HSD17B14: variants seen among roughly 807,000 people sequenced by gnomAD.
HSD17B14 encodes the protein L-fucose dehydrogenase.
Under a neutral mutation model 32.2 loss-of-function variants are expected in HSD17B14, and 32 were observed. That is an observed-to-expected ratio of 0.99 (90% CI 0.75 to 1.33). The LOEUF is 1.33. HSD17B14 is among the 40% of genes most tolerant of loss of function. The pLI, the probability that HSD17B14 is intolerant of heterozygous loss-of-function variation, is 0.00. For synonymous variants in HSD17B14, 140 were observed against 155.4 expected (o/e 0.90, Z 0.74); for missense variants, 370 against 366.5 (o/e 1.01, Z -0.08).
At chr19:48,820,292 G>A (rs576300894) in intron 5 of HSD17B14, among the ~76,000 whole-genome samples, 1 of 152,038 alleles carries the variant, frequency 6.6e-6, no homozygotes, top group East Asian at 2.0e-4. Context: ...TGACCAATAT[G>A]GTGAAACCCT....
intron 5 of HSD17B14, among the ~76,000 whole-genome samples, chr19:48,826,528 A>AAAAAAAAAAAAAAAAAAAATATAT (rs777368104): frequency 4.3e-5 from 1 of 23,078 alleles, no homozygotes; most frequent in African/African-American, 1.2e-4. Context: ...AAAAGAAGAA[A>AAAAAAAAAAAAAAAAAAAATATAT]ATATATATAT....
In HSD17B14 at chr19:48,813,020, C is replaced by A; in HGVS notation, c.*155G>T. On this transcript the variant is annotated 3_prime_UTR_variant, in exon 9 of 9. Coordinates refer to ENST00000263278, the MANE Select transcript of HSD17B14 (RefSeq NM_016246.3). Reference sequence around the variant, plus strand: ...TAAATATAACGATATCCTCCTCCTTCTGGCTGCAAATCGTTTTTATGGGAA... The same window carrying A: ...TAAATATAACGATATCCTCCTCCTTATGGCTGCAAATCGTTTTTATGGGAA... 1.8e-6 allele frequency: 1 copy of A among 547,364 alleles called. No homozygotes were observed. The highest frequency in any genetic ancestry group is 3.3e-6 in the Non-Finnish European group (1 of 302,694). The allele number at this position is 547,364 out of a possible 1,614,324, so 33.9% of individuals were successfully genotyped here. A position where few individuals can be genotyped will look rare whatever the true frequency, so the allele number is the denominator to read the frequency against.
At chr19:48,825,366 CAG>C (rs1373383835) in intron 5 of HSD17B14, among the ~76,000 whole-genome samples, 1 of 151,740 alleles carries the variant, frequency 6.6e-6, no homozygotes, top group East Asian at 1.9e-4. Context: ...GGCTGGAATG[CAG>C]CGGCACAATC....
chr19:48,831,425 C>A (rs997948639), intron 5 of HSD17B14, among the ~76,000 whole-genome samples: 2 of 152,056 alleles, frequency 1.3e-5, no homozygotes, highest in African/African-American at 4.8e-5. Context: ...TTGTGGCCCG[C>A]ACCTGTAATC....
chr19:48,817,887 G>A (rs773002757), intron 5 of HSD17B14, among the ~76,000 whole-genome samples: 8 of 152,196 alleles, frequency 5.3e-5, no homozygotes, highest in Non-Finnish European at 1.2e-4. Flanking sequence ...CACAAGCGAG[G>A]AGACTAAGGA....
chr19:48,836,424 G>T lies in HSD17B14; in HGVS notation c.-13C>A. The T allele has an allele frequency of 4.3e-6, 7 of 1,611,082 alleles. No individual in the cohort carries two copies. The highest frequency in any genetic ancestry group is 5.9e-6 in the Non-Finnish European group (7 of 1,179,576). ...TTCCCGTAGCCATCCCGTGTACGTC[G>T]GTCTCTCTCTCTCTCTACTCTGGGC... On this transcript the variant is annotated 5_prime_UTR_variant, in exon 1 of 9. Transcript: ENST00000263278.
intron 5 of HSD17B14, among the ~76,000 whole-genome samples, chr19:48,820,383 C>G (rs694232): frequency 6.6e-6 from 1 of 151,422 alleles, no homozygotes; most frequent in South Asian, 2.1e-4. Context: ...GACATGAGAA[C>G]TGCTTGAACC....
At chr19:48,831,299 T>C (rs906142117) in intron 5 of HSD17B14, among the ~76,000 whole-genome samples, 12 of 152,064 alleles carry the variant, frequency 7.9e-5, no homozygotes, top group African/African-American at 2.4e-4. Flanking sequence ...TAACAGAAAA[T>C]AGATGGCCAG....
chr19:48,831,591 C>G, intron 5 of HSD17B14, 77 bp downstream of exon 5: 1 of 980,310 alleles, frequency 1.0e-6, no homozygotes, highest in Non-Finnish European at 1.7e-6. Flanking sequence ...AAACATTTTG[C>G]TCTTAGACAA....
At chr19:48,826,776 G>A (rs1360941283) in intron 5 of HSD17B14, among the ~76,000 whole-genome samples, 1 of 151,516 alleles carries the variant, frequency 6.6e-6, no homozygotes, top group African/African-American at 2.4e-5. Context: ...GAAGCTCCCT[G>A]GACACTGGGC....
chr19:48,830,993 C>T (rs1006470797), intron 5 of HSD17B14, among the ~76,000 whole-genome samples: 1 of 151,946 alleles, frequency 6.6e-6, no homozygotes, highest in Non-Finnish European at 1.5e-5. Context: ...GGCACCACTA[C>T]GCCTAATTTT....
chr19:48,816,652 A>T (rs1211909277), intron 5 of HSD17B14, among the ~76,000 whole-genome samples: 1 of 152,050 alleles, frequency 6.6e-6, no homozygotes, highest in Non-Finnish European at 1.5e-5. Context: ...CCCTGGCTAT[A>T]CTGTTTAAAG....
rs1397706036 is a variant in HSD17B14, at chr19:48,835,369, G to A, written c.127+436C>T. Among the ~76,000 whole-genome samples, 55 of 121,990 alleles carry A rather than the reference G, an allele frequency of 4.5e-4. 1 individual carries two copies. Among genetic ancestry groups the A allele is most frequent in the African/African-American group, 1.8e-3 (55 of 30,444 alleles). The allele number at this position is 121,990 out of a possible 152,430, so 80.0% of individuals were successfully genotyped here. ...GGACTCCTGGGTCTGAGGGAGGAGG[G>A]GCTGAGGTCTGGACTCCTGGGTCTG... is the stretch of plus-strand genomic sequence containing the variant. On this transcript the variant is annotated intron_variant, in intron 2 of 8. Transcript: ENST00000263278.
At chr19:48,815,284 G>A (rs1277476727) in intron 5 of HSD17B14, 143 bp from the exon 6 acceptor site, 5 of 662,148 alleles carry the variant, frequency 7.6e-6, no homozygotes, top group East Asian at 5.6e-5. Context: ...TGCTAGAGAC[G>A]GCATCTAACA....
chr19:48,836,253 C>T (rs935327604), intron 1 of HSD17B14, 71 bp downstream of exon 1: 24 of 1,449,348 alleles, frequency 1.7e-5, no homozygotes, highest in Non-Finnish European at 2.0e-5. Context: ...CCCTATTTTC[C>T]GCCCCCATCA....
intron 1 of HSD17B14, 84 bp downstream of exon 1, chr19:48,836,240 A>G: frequency 1.5e-6 from 2 of 1,298,038 alleles, no homozygotes; most frequent in Non-Finnish European, 2.2e-6. Flanking sequence ...GCAGTACTGG[A>G]GTCCCTATTT....
chr19:48,836,428 T>G lies in HSD17B14; in HGVS notation c.-17A>C. On this transcript the variant is annotated 5_prime_UTR_variant, in exon 1 of 9. Transcript: ENST00000263278. ...CGTAGCCATCCCGTGTACGTCGGTC[T>G]CTCTCTCTCTCTACTCTGGGCCTCT... 1 of 1,591,326 alleles carries G rather than the reference T, an allele frequency of 6.3e-7. No individual in the cohort carries two copies. Among genetic ancestry groups the G allele is most frequent in the Non-Finnish European group, 8.5e-7 (1 of 1,174,592 alleles).
intron 2 of HSD17B14, among the ~76,000 whole-genome samples, chr19:48,835,562 T>C (rs200519206): frequency 6.9e-6 from 1 of 144,014 alleles, no homozygotes; most frequent in African/African-American, 2.6e-5. Flanking sequence ...TGCCGGAGCC[T>C]GGACTTCTGG....
chr19:48,813,601 G>T, intron 7 of HSD17B14, 49 bp from the exon 8 acceptor site: 1 of 1,612,636 alleles, frequency 6.2e-7, no homozygotes, highest in Non-Finnish European at 8.5e-7. Flanking sequence ...CGAACCACTT[G>T]GGATCACTCC....
Sources: gnomAD v4.1 joint callset for allele counts (sites outside exome capture counted in the v4.1 genomes callset) on GRCh38, gnomAD v4.1.1 for gene constraint, MANE v1.5 for transcripts, NCBI Gene and HGNC (gene_info 2026-07-23, HGNC 2026-07-21) for gene names.